Variants in SSBP2 observed in about 807,000 individuals in gnomAD.
The protein encoded by SSBP2 is single stranded DNA binding protein 2, also known as single-stranded DNA-binding protein 2.
Under a neutral mutation model 61.8 loss-of-function variants are expected in SSBP2, and 17 were observed. The ratio of observed to expected loss-of-function variants is 0.28; its 90% CI spans 0.19 to 0.41. The LOEUF (loss-of-function observed/expected upper bound fraction) is 0.41. Among genes scored for constraint, SSBP2 ranks in the 10% least tolerant of loss-of-function variants. SSBP2 has a pLI of 1.00. For missense variants in SSBP2, 310 were observed against 458.7 expected, an observed-to-expected ratio of 0.68 and a Z score of 2.96; for synonymous variants, 139 against 141.3, an observed-to-expected ratio of 0.98 and a Z score of 0.12.
chr5:81,517,059 T>A (rs139606269), intron 4 of SSBP2, among the ~76,000 whole-genome samples: 111 of 152,238 alleles, frequency 7.3e-4, no homozygotes, highest in African/African-American at 2.5e-3. Flanking sequence ...TTTCACTGAA[T>A]TTATGTGAAT....
chr5:81,677,444 G>A lies in SSBP2; in HGVS notation c.63-27105C>T, dbSNP rs137969023. Reference sequence around the variant, plus strand: ...AAACCCTGAGCAGAAATCTCTGCAGGAATCAGCGCCAGGGAAGGAAAATCT... The same window carrying A: ...AAACCCTGAGCAGAAATCTCTGCAGAAATCAGCGCCAGGGAAGGAAAATCT... On this transcript the variant is annotated intron_variant, in intron 1 of 16. Coordinates refer to ENST00000320672, the MANE Select transcript of SSBP2 (RefSeq NM_012446.5). 5.0e-3 allele frequency among the ~76,000 whole-genome samples: 762 copies of A among 152,202 alleles called. 3 individuals are homozygous for A. Among genetic ancestry groups the A allele is most frequent in the Middle Eastern group, 0.014 (4 of 294 alleles).
chr5:81,479,123 C>T (rs965087265), intron 6 of SSBP2, among the ~76,000 whole-genome samples: 2 of 152,160 alleles, frequency 1.3e-5, no homozygotes, highest in Admixed American at 6.6e-5. Flanking sequence ...CTTGGGATGA[C>T]CAGATAGTAG....
At chr5:81,573,467 C>G (rs1172187814) in intron 4 of SSBP2, among the ~76,000 whole-genome samples, 1 of 152,164 alleles carries the variant, frequency 6.6e-6, no homozygotes, top group Non-Finnish European at 1.5e-5. Context: ...CCAAGGAGAA[C>G]ATAAAACCTG....
At chr5:81,645,852 A>G (rs1195255119) in intron 2 of SSBP2, among the ~76,000 whole-genome samples, 1 of 152,222 alleles carries the variant, frequency 6.6e-6, no homozygotes, top group Non-Finnish European at 1.5e-5. Flanking sequence ...GTAGTGGTTT[A>G]AAATCTATCA....
chr5:81,628,008 C>T (rs1052006633), intron 3 of SSBP2, among the ~76,000 whole-genome samples: 2 of 151,018 alleles, frequency 1.3e-5, no homozygotes, highest in Admixed American at 1.3e-4. Flanking sequence ...GAGGCTGCAG[C>T]GAGCTATGAT....
intron 4 of SSBP2, among the ~76,000 whole-genome samples, chr5:81,588,769 T>A (rs1395204149): frequency 6.6e-6 from 1 of 152,118 alleles, no homozygotes; most frequent in South Asian, 2.1e-4. Flanking sequence ...AAGACTTTTT[T>A]AAAAATGTTA....
At chr5:81,595,714 C>G (rs1743661589) in intron 4 of SSBP2, among the ~76,000 whole-genome samples, 2 of 152,094 alleles carry the variant, frequency 1.3e-5, no homozygotes, top group Admixed American at 1.3e-4. Context: ...TGTAATCCAG[C>G]ATATAAACAG....
chr5:81,611,825 A>G (rs2153591141), intron 4 of SSBP2, among the ~76,000 whole-genome samples: 1 of 152,202 alleles, frequency 6.6e-6, no homozygotes, highest in South Asian at 2.1e-4. Flanking sequence ...TCTTTTCCAC[A>G]TTAGTTTCTT....
intron 4 of SSBP2, among the ~76,000 whole-genome samples, chr5:81,599,214 G>A (rs10942273): frequency 0.092 from 14,018 of 152,162 alleles, 1,267 homozygotes; most frequent in African/African-American, 0.24. Flanking sequence ...GCAAGAAATT[G>A]TAAGCTAAGG....
chr5:81,637,935 G>C (rs1485235749), intron 2 of SSBP2, among the ~76,000 whole-genome samples: 2 of 152,146 alleles, frequency 1.3e-5, no homozygotes, highest in Non-Finnish European at 2.9e-5. Context: ...AAAAAATGAT[G>C]AGTTCACGTC....
intron 4 of SSBP2, among the ~76,000 whole-genome samples, chr5:81,601,106 T>C (rs1397835418): frequency 2.0e-5 from 3 of 152,216 alleles, no homozygotes; most frequent in African/African-American, 7.2e-5. Context: ...AGTATACTAG[T>C]TGTTTATTAA....
intron 1 of SSBP2, among the ~76,000 whole-genome samples, chr5:81,721,587 C>G (rs1353263339): frequency 6.6e-6 from 1 of 151,964 alleles, no homozygotes; most frequent in African/African-American, 2.4e-5. Context: ...ACTAACTAAT[C>G]AACATGGAAA....
chr5:81,455,655 A>AAAAAC, intron 10 of SSBP2, among the ~76,000 whole-genome samples: 1 of 150,818 alleles, frequency 6.6e-6, no homozygotes. Flanking sequence ...AAAAAAAAAA[A>AAAAAC]TCCTCCTTCT....
At chr5:81,473,951 T>C (rs896431983) in intron 7 of SSBP2, among the ~76,000 whole-genome samples, 181 bp from the exon 8 acceptor site, 6 of 152,198 alleles carry the variant, frequency 3.9e-5, no homozygotes, top group Non-Finnish European at 8.8e-5. Flanking sequence ...ACACCCTCTA[T>C]TAATGTCTTG....
At chr5:81,741,342 G>T (rs1757010583) in intron 1 of SSBP2, among the ~76,000 whole-genome samples, 1 of 152,176 alleles carries the variant, frequency 6.6e-6, no homozygotes, top group African/African-American at 2.4e-5. Flanking sequence ...GCGGGAGTGG[G>T]GAGTGATTGT....
In SSBP2 at chr5:81,461,034, AAAAT is replaced by A; in HGVS notation, c.687+17_687+20del. The A allele has an allele frequency of 2.3e-6, 3 of 1,297,728 alleles. No homozygotes were observed. Among genetic ancestry groups the A allele is most frequent in the Non-Finnish European group, 3.0e-6 (3 of 1,001,846 alleles). 80.4% of individuals were successfully genotyped at this position (1,297,728 alleles called of 1,614,324 possible). A position where few individuals can be genotyped will look rare whatever the true frequency, so the allele number is the denominator to read the frequency against. ...TGTTACAAAATGCAAAATATTAAAA[AAAAT>A]ATATATATATACTCACTGAATTGGC... is the stretch of plus-strand genomic sequence containing the variant. On this transcript the variant is annotated intron_variant, in intron 10 of 16. Transcript: ENST00000320672.
intron 1 of SSBP2, among the ~76,000 whole-genome samples, chr5:81,737,286 C>A (rs1233477404): frequency 4.1e-5 from 5 of 122,348 alleles, no homozygotes; most frequent in African/African-American, 6.8e-5. Flanking sequence ...TTGCAAAATT[C>A]TCCAAGTTAA....
chr5:81,496,757 G>T (rs1358993498), intron 5 of SSBP2, among the ~76,000 whole-genome samples: 1 of 152,106 alleles, frequency 6.6e-6, no homozygotes, highest in African/African-American at 2.4e-5. Flanking sequence ...GAAAACCGAA[G>T]ACCAAATTTC....
intron 5 of SSBP2, among the ~76,000 whole-genome samples, chr5:81,511,875 G>A (rs1324485310): frequency 6.6e-6 from 1 of 152,028 alleles, no homozygotes; most frequent in Non-Finnish European, 1.5e-5. Context: ...TTATCACATT[G>A]GAAAAACTAA....
Sources: allele counts gnomAD v4.1 joint callset (sites outside exome capture counted in the v4.1 genomes callset), GRCh38; gene constraint gnomAD v4.1.1; transcripts MANE v1.5; gene names NCBI Gene and HGNC (gene_info 2026-07-23, HGNC 2026-07-21).